Variants in JPH2 observed in about 807,000 individuals in gnomAD.
The protein encoded by JPH2 is junctophilin 2, also known as junctophilin-2.
JPH2 carries 38 observed loss-of-function variants against 55.9 expected under a neutral mutation model. The ratio of observed to expected loss-of-function variants is 0.68; its 90% CI spans 0.52 to 0.89. The LOEUF (loss-of-function observed/expected upper bound fraction) is 0.89. JPH2 is among the 40% of genes least tolerant of loss of function. The probability of loss-of-function intolerance (pLI) is 0.00; values close to 1 mark genes in which losing one functional copy is unlikely to be tolerated. For missense variants in JPH2, 964 were observed against 1,037.6 expected, an observed-to-expected ratio of 0.93 and a Z score of 0.97; for synonymous variants, 480 against 472.4, an observed-to-expected ratio of 1.02 and a Z score of -0.21.
chr20:44,119,072 G>T (rs2072215807), intron 2 of JPH2, among the ~76,000 whole-genome samples: 1 of 152,210 alleles, frequency 6.6e-6, no homozygotes, highest in African/African-American at 2.4e-5. Context: ...TCAGAATAAT[G>T]TTTTTGAATG....
Position 44,106,891 on chromosome 20 carries a change from T to C in JPH2, c.*6627A>G, listed in dbSNP as rs2072112270. Among the ~76,000 whole-genome samples the C allele has an allele frequency of 6.6e-6, 1 of 152,040 alleles. No homozygotes were observed. The highest frequency in any genetic ancestry group is 1.5e-5 in the Non-Finnish European group (1 of 68,008). On this transcript the variant is annotated 3_prime_UTR_variant, in exon 6 of 6. Coordinates refer to ENST00000372980, the MANE Select transcript of JPH2 (RefSeq NM_020433.5). Reference sequence around the variant, plus strand: ...TGGGTGAGAACACAGCCAAACCATATCACCCAGTAACAGAGCAAGGGAGGG... The same window carrying C: ...TGGGTGAGAACACAGCCAAACCATACCACCCAGTAACAGAGCAAGGGAGGG...
rs1462954876 is a variant in JPH2, at chr20:44,107,161, C to A, written c.*6357G>T. On this transcript the variant is annotated 3_prime_UTR_variant, in exon 6 of 6. Coordinates refer to ENST00000372980, the MANE Select transcript of JPH2 (RefSeq NM_020433.5). The stretch of plus-strand genomic sequence containing the variant: ...CACATACAGCAAAGAAGTGATATAG[C>A]CAGGATTAGAAACTAGGTCTGTCCA... Among the ~76,000 whole-genome samples, 3 of 152,146 alleles carry A rather than the reference C, an allele frequency of 2.0e-5. No individual in the cohort carries two copies. Among genetic ancestry groups the A allele is most frequent in the Non-Finnish European group, 4.4e-5 (3 of 68,024 alleles).
intron 1 of JPH2, among the ~76,000 whole-genome samples, chr20:44,171,122 G>A (rs1053999093): frequency 2.0e-5 from 3 of 152,144 alleles, no homozygotes; most frequent in Non-Finnish European, 4.4e-5. Flanking sequence ...GAGTGTCTCA[G>A]GTCAGGATCC....
chr20:44,182,548 G>A (rs1407921736), intron 1 of JPH2, among the ~76,000 whole-genome samples: 2 of 152,152 alleles, frequency 1.3e-5, no homozygotes, highest in Non-Finnish European at 2.9e-5. Context: ...TGCACCCCTC[G>A]CTCACTCTGG....
At chr20:44,185,348 G>A (rs1159709518) in intron 1 of JPH2, among the ~76,000 whole-genome samples, 4 of 151,986 alleles carry the variant, frequency 2.6e-5, no homozygotes, top group East Asian at 3.9e-4. Flanking sequence ...TGTAGGCCCG[G>A]CACAGTGTCC....
chr20:44,164,687 C>A (rs1600860923), intron 1 of JPH2, among the ~76,000 whole-genome samples: 1 of 143,892 alleles, frequency 6.9e-6, no homozygotes, highest in Non-Finnish European at 1.5e-5. Context: ...AACAAACAAA[C>A]AAACAAACAA....
chr20:44,134,374 TATATATAAATAA>T (rs1235969391), intron 2 of JPH2, among the ~76,000 whole-genome samples: 6 of 21,222 alleles, frequency 2.8e-4, no homozygotes, highest in African/African-American at 9.4e-4. Context: ...TTATTATAAA[TATATATAAATAA>T]ATATATATTT....
Position 44,111,751 on chromosome 20 carries a change from A to G in JPH2, c.*1767T>C, listed in dbSNP as rs938010823. On this transcript the variant is annotated 3_prime_UTR_variant, in exon 6 of 6. Transcript: ENST00000372980. ...CAGACTGCAGCATCCTGAACCCCAA[A>G]CCCAACCCCAAACACCAGCCCCCAA... 6 of 151,780 alleles carry G rather than the reference A, an allele frequency of 4.0e-5. 1 individual carries two copies. The highest frequency in any genetic ancestry group is 1.5e-4 in the African/African-American group (6 of 41,210). The allele number at this position is 151,780 out of a possible 1,614,324, so 9.4% of individuals were successfully genotyped here.
At chr20:44,182,558 G>A (rs1313281730) in intron 1 of JPH2, among the ~76,000 whole-genome samples, 2 of 152,148 alleles carry the variant, frequency 1.3e-5, no homozygotes, top group Non-Finnish European at 2.9e-5. Context: ...GCTCACTCTG[G>A]CATTCTTGCT....
intron 1 of JPH2, among the ~76,000 whole-genome samples, chr20:44,181,895 T>G (rs1008168253): frequency 5.3e-5 from 8 of 152,224 alleles, no homozygotes; most frequent in African/African-American, 1.7e-4. Context: ...AGATTTGCTG[T>G]GAAGACAGGG....
At chr20:44,166,924 C>A (rs2072659885) in intron 1 of JPH2, among the ~76,000 whole-genome samples, 1 of 152,168 alleles carries the variant, frequency 6.6e-6, no homozygotes, top group South Asian at 2.1e-4. Context: ...CCCAACAGCC[C>A]ACAAAACCTG....
intron 1 of JPH2, among the ~76,000 whole-genome samples, chr20:44,162,667 C>T (rs1170157224): frequency 3.3e-5 from 5 of 149,574 alleles, no homozygotes; most frequent in Non-Finnish European, 7.4e-5. Context: ...CTCGGACTGG[C>T]TTCCTTGCTG....
intron 1 of JPH2, among the ~76,000 whole-genome samples, chr20:44,167,734 T>G (rs2072667542): frequency 2.0e-5 from 3 of 152,218 alleles, no homozygotes; most frequent in African/African-American, 7.2e-5. Context: ...CATAAACTAT[T>G]TAAGCCTGCG....
chr20:44,144,586 G>A (rs974374843), intron 2 of JPH2, among the ~76,000 whole-genome samples: 24 of 152,188 alleles, frequency 1.6e-4, no homozygotes, highest in African/African-American at 5.8e-4. Context: ...CCATTCGAAA[G>A]CATGGCCAGG....
intron 2 of JPH2, among the ~76,000 whole-genome samples, chr20:44,146,474 C>G (rs538435606): frequency 6.6e-6 from 1 of 152,316 alleles, no homozygotes; most frequent in Admixed American, 6.5e-5. Context: ...CAGGAAATTC[C>G]ATTCACTCCT....
At chr20:44,141,498 A>C (rs2072456098) in intron 2 of JPH2, among the ~76,000 whole-genome samples, 1 of 146,250 alleles carries the variant, frequency 6.8e-6, no homozygotes, top group Admixed American at 7.2e-5. Context: ...CCAATGGGTG[A>C]GGCAGTAGAA....
At position 44,107,258 on chromosome 20, in the gene JPH2, A is replaced by G. The variant is rs1373695638; in HGVS notation, c.*6260T>C. ...TATGGCCACCATATCCATTTCCTCA[A>G]TAAGCACTCACTGAATGTCTACTCT... On this transcript the variant is annotated 3_prime_UTR_variant, in exon 6 of 6. Transcript: ENST00000372980. 6.6e-6 allele frequency among the ~76,000 whole-genome samples: 1 copy of G among 152,102 alleles called. No individual in the cohort carries two copies. Among genetic ancestry groups the G allele is most frequent in the Non-Finnish European group, 1.5e-5 (1 of 68,018 alleles).
intron 2 of JPH2, among the ~76,000 whole-genome samples, chr20:44,142,532 C>T (rs1195321634): frequency 6.6e-6 from 1 of 152,174 alleles, no homozygotes; most frequent in Non-Finnish European, 1.5e-5. Context: ...CTCTCCCGGG[C>T]AGCTCCCCCT....
intron 4 of JPH2, 122 bp downstream of exon 4, chr20:44,115,541 GCT>G (rs1451363689): frequency 1.5e-6 from 2 of 1,301,880 alleles, no homozygotes; most frequent in East Asian, 5.0e-5. Flanking sequence ...ATTTCCTCCT[GCT>G]CTATCCTGCT....
Sources: allele counts gnomAD v4.1 joint callset (sites outside exome capture counted in the v4.1 genomes callset), GRCh38; gene constraint gnomAD v4.1.1; transcripts MANE v1.5; gene names NCBI Gene and HGNC (gene_info 2026-07-23, HGNC 2026-07-21).